Variants in OXR1 observed in about 807,000 individuals in gnomAD.
The protein encoded by OXR1 is oxidation resistance 1, also known as oxidation resistance protein 1.
OXR1 carries 41 observed loss-of-function variants against 104.6 expected under a neutral mutation model. That is an observed-to-expected ratio of 0.39 (90% CI 0.31 to 0.51). The LOEUF (loss-of-function observed/expected upper bound fraction) is 0.51, where lower values mean the gene tolerates loss of function less well. OXR1 is among the 20% of genes least tolerant of loss of function. OXR1 has a pLI of 0.77. For missense variants in OXR1, 955 were observed against 1,031.9 expected (o/e 0.93, Z 1.02); for synonymous variants, 348 against 348.4 (o/e 1.00, Z 0.01).
intron 2 of OXR1, among the ~76,000 whole-genome samples, chr8:106,472,177 C>T (rs1442257449): frequency 6.6e-6 from 1 of 151,752 alleles, no homozygotes; most frequent in Non-Finnish European, 1.5e-5. Context: ...GATGTTTCCA[C>T]ATCACGGGAT....
chr8:106,510,371 C>A (rs1172114236), intron 2 of OXR1, among the ~76,000 whole-genome samples: 1 of 152,110 alleles, frequency 6.6e-6, no homozygotes, highest in East Asian at 1.9e-4. Context: ...TGGTGGTGTG[C>A]ACTTCTAATA....
At chr8:106,487,024 T>C (rs1483565320) in intron 2 of OXR1, among the ~76,000 whole-genome samples, 3 of 142,600 alleles carry the variant, frequency 2.1e-5, no homozygotes, top group African/African-American at 5.3e-5. Context: ...CCAGACACTT[T>C]TTTTTTTTTT....
At chr8:106,556,964 A>ATAAT (rs1456979769) in intron 3 of OXR1, among the ~76,000 whole-genome samples, 14 of 152,132 alleles carry the variant, frequency 9.2e-5, no homozygotes, top group Admixed American at 1.3e-4. Context: ...TTCCCTCATT[A>ATAAT]ATTTTGTAAC....
chr8:106,705,671 C>A (rs769007216), intron 8 of OXR1, among the ~76,000 whole-genome samples: 14 of 152,122 alleles, frequency 9.2e-5, no homozygotes, highest in Non-Finnish European at 2.1e-4. Context: ...CTCCCTCTTT[C>A]CAGAACTTAA....
intron 11 of OXR1, among the ~76,000 whole-genome samples, chr8:106,735,451 C>G (rs894258791): frequency 2.0e-5 from 3 of 152,126 alleles, no homozygotes; most frequent in Non-Finnish European, 4.4e-5. Flanking sequence ...CTCAGCAATG[C>G]TGATACAATT....
chr8:106,484,240 A>G (rs77696511), intron 2 of OXR1, among the ~76,000 whole-genome samples: 8,166 of 152,138 alleles, frequency 0.054, 292 homozygotes, highest in African/African-American at 0.091. Flanking sequence ...TAAGGAAAAA[A>G]TAGGACAACT....
At chr8:106,741,843 T>G (rs778827229) in intron 14 of OXR1, among the ~76,000 whole-genome samples, 2 of 152,166 alleles carry the variant, frequency 1.3e-5, no homozygotes, top group Non-Finnish European at 2.9e-5. Context: ...AATGTTTCCC[T>G]ATACTGAAGG....
chr8:106,657,236 A>C (rs956090126), intron 3 of OXR1, among the ~76,000 whole-genome samples: 6 of 152,174 alleles, frequency 3.9e-5, no homozygotes, highest in Non-Finnish European at 8.8e-5. Context: ...TCATAATGGC[A>C]CAACGAACTT....
At chr8:106,641,785 T>C (rs1823656094) in intron 3 of OXR1, among the ~76,000 whole-genome samples, 1 of 151,924 alleles carries the variant, frequency 6.6e-6, no homozygotes, top group East Asian at 1.9e-4. Flanking sequence ...CATAAAACTG[T>C]GAAAGAGTAT....
intron 4 of OXR1, among the ~76,000 whole-genome samples, chr8:106,681,711 G>A (rs913052381): frequency 1.3e-5 from 2 of 152,010 alleles, no homozygotes; most frequent in Non-Finnish European, 2.9e-5. Flanking sequence ...TTTTTGTCAA[G>A]ATGGGATTTT....
intron 3 of OXR1, among the ~76,000 whole-genome samples, chr8:106,543,400 C>CA (rs1454423857): frequency 6.6e-6 from 1 of 151,976 alleles, no homozygotes; most frequent in East Asian, 1.9e-4. Flanking sequence ...ATAAGACCAA[C>CA]AAAAAATCCT....
chr8:106,422,529 A>G (rs1350304880), intron 2 of OXR1, among the ~76,000 whole-genome samples: 5 of 106,618 alleles, frequency 4.7e-5, no homozygotes, highest in Admixed American at 1.7e-4. Context: ...ACTATAAAAT[A>G]GTAAAAAAAG....
chr8:106,293,427 C>T (rs1812840910), intron 1 of OXR1, among the ~76,000 whole-genome samples: 1 of 152,116 alleles, frequency 6.6e-6, no homozygotes, highest in African/African-American at 2.4e-5. Flanking sequence ...TTATCCAGTC[C>T]CATTCTTGAA....
intron 3 of OXR1, among the ~76,000 whole-genome samples, chr8:106,555,928 G>GTTTA (rs1554593236): frequency 1.1e-4 from 15 of 142,538 alleles, no homozygotes; most frequent in Non-Finnish European, 2.3e-4. Flanking sequence ...GTATATATAT[G>GTTTA]TACATATATA....
intron 3 of OXR1, among the ~76,000 whole-genome samples, chr8:106,552,276 T>A (rs1401292927): frequency 6.6e-6 from 1 of 151,968 alleles, no homozygotes; most frequent in Non-Finnish European, 1.5e-5. Context: ...AAATCCATGT[T>A]GTTGGAAGAC....
chr8:106,702,319 G>A (rs1587155140), intron 7 of OXR1, among the ~76,000 whole-genome samples: 1 of 152,052 alleles, frequency 6.6e-6, no homozygotes, highest in Non-Finnish European at 1.5e-5. Flanking sequence ...TGAGTTAAAA[G>A]TATATATACA....
intron 3 of OXR1, among the ~76,000 whole-genome samples, chr8:106,527,486 C>T (rs1316068249): frequency 6.6e-6 from 1 of 152,154 alleles, no homozygotes; most frequent in Non-Finnish European, 1.5e-5. Context: ...ACACTCCAGC[C>T]AAGCTAAAAA....
At chr8:106,512,459 G>GT (rs201471216) in intron 2 of OXR1, among the ~76,000 whole-genome samples, 796 of 71,558 alleles carry the variant, frequency 0.011, 22 homozygotes, top group East Asian at 0.086. Flanking sequence ...AAGAAGATCT[G>GT]TTTTTTTTTC....
At chr8:106,737,187 G>A (rs7461484) in intron 11 of OXR1, among the ~76,000 whole-genome samples, 21,133 of 152,008 alleles carry the variant, frequency 0.14, 1,783 homozygotes, top group East Asian at 0.36. Flanking sequence ...GTTTTCAGAC[G>A]TTATCTTTAA....
Sources: allele counts gnomAD v4.1 joint callset (sites outside exome capture counted in the v4.1 genomes callset), GRCh38; gene constraint gnomAD v4.1.1; transcripts MANE v1.5; gene names NCBI Gene and HGNC (gene_info 2026-07-23, HGNC 2026-07-21).